The following NSUN2 variants were observed in gnomAD, a reference collection of about 807,000 sequenced individuals.
NSUN2 encodes the protein NOP2/Sun RNA methyltransferase 2.
NSUN2 carries 63 observed loss-of-function variants against 92.7 expected under a neutral mutation model. The observed-to-expected ratio is 0.68, with a 90% CI of 0.56 to 0.84. The LOEUF (loss-of-function observed/expected upper bound fraction) is 0.84, where lower values mean the gene tolerates loss of function less well. Among genes scored for constraint, NSUN2 ranks in the 40% least tolerant of loss-of-function variants. The pLI is 0.00. For synonymous variants in NSUN2, 356 were observed against 348.3 expected (o/e 1.02, Z -0.25); for missense variants, 989 against 964.9 (o/e 1.02, Z -0.33).
At chr5:6,612,957 C>A (rs1474927806) in intron 9 of NSUN2, among the ~76,000 whole-genome samples, 1 of 152,192 alleles carries the variant, frequency 6.6e-6, no homozygotes, top group Non-Finnish European at 1.5e-5. Context: ...CACCAGCAAC[C>A]ACCCACTCTA....
chr5:6,621,905 T>C, intron 6 of NSUN2, 111 bp downstream of exon 6: 1 of 855,180 alleles, frequency 1.2e-6, no homozygotes, highest in East Asian at 2.5e-5. Flanking sequence ...CCCAACTGCT[T>C]GTCATAGGAG....
rs771571224 is a variant in NSUN2 at position 6,607,362 on chromosome 5, G to A, written c.1346C>T (p.Thr449Ile). Reference sequence around the variant, plus strand: ...AGGGCTCAGCTGTGTGCTTTCTCTGGTCTCTGCAGATTTACCCTGAAGCTG... The same window carrying A: ...AGGGCTCAGCTGTGTGCTTTCTCTGATCTCTGCAGATTTACCCTGAAGCTG... ...QPKLQGKSAE[T>I]RESTQLSPAD... Residue 449 changes from threonine to isoleucine, a missense_variant, in exon 13 of 19, where the codon ACC (threonine) becomes ATC (isoleucine). Around this residue, in one of 3 missense-constraint regions of NSUN2, gnomAD observed 626 missense variants for 602.3 expected, o/e 1.04. Transcript: ENST00000264670. The A allele has an allele frequency of 5.0e-6, 8 of 1,613,882 alleles. No individual in the cohort carries two copies. Among genetic ancestry groups the A allele is most frequent in the Non-Finnish European group, 6.8e-6 (8 of 1,179,878 alleles).
At chr5:6,621,374 A>T (rs2126497991) in intron 6 of NSUN2, 1 of 152,282 alleles carries the variant, frequency 6.6e-6, no homozygotes, top group Admixed American at 6.5e-5. Flanking sequence ...AATAATAATG[A>T]ACAAAGGTGG....
At chr5:6,602,201 TA>T (rs1329754730) in intron 18 of NSUN2, among the ~76,000 whole-genome samples, 3 of 151,992 alleles carry the variant, frequency 2.0e-5, no homozygotes, top group African/African-American at 4.9e-5. Flanking sequence ...TTCTAATGCT[TA>T]AAAAATAAGT....
intron 9 of NSUN2, among the ~76,000 whole-genome samples, chr5:6,615,087 A>C (rs1737154124): frequency 6.6e-6 from 1 of 152,098 alleles, no homozygotes; most frequent in Non-Finnish European, 1.5e-5. Context: ...GTGACCACTC[A>C]CCCCAAGTCA....
At chr5:6,613,693 A>G (rs1737092188) in intron 9 of NSUN2, among the ~76,000 whole-genome samples, 1 of 152,166 alleles carries the variant, frequency 6.6e-6, no homozygotes. Flanking sequence ...CATCTGCTCT[A>G]TTGGTAATAA....
intron 4 of NSUN2, among the ~76,000 whole-genome samples, chr5:6,624,520 C>A (rs1737574008): frequency 6.6e-6 from 1 of 152,154 alleles, no homozygotes; most frequent in Admixed American, 6.5e-5. Flanking sequence ...CCCCACAAAC[C>A]CCACGCTCTC....
intron 4 of NSUN2, 34 bp from the exon 5 acceptor site, chr5:6,623,319 G>GAAAA (rs35232789): frequency 2.8e-4 from 353 of 1,245,158 alleles, no homozygotes; most frequent in Admixed American, 5.9e-4. Context: ...CAACAATTAG[G>GAAAA]AAAAAAAAAA....
chr5:6,614,772 T>C (rs894060965), intron 9 of NSUN2, among the ~76,000 whole-genome samples: 3 of 151,966 alleles, frequency 2.0e-5, no homozygotes, highest in Non-Finnish European at 4.4e-5. Context: ...AATTTTGCGG[T>C]AATGAGACAG....
intron 10 of NSUN2, among the ~76,000 whole-genome samples, chr5:6,611,485 G>T (rs933254982): frequency 9.5e-6 from 1 of 104,840 alleles, no homozygotes; most frequent in African/African-American, 3.5e-5. Flanking sequence ...CCCTTACAGG[G>T]ATGAGAGTAA....
intron 17 of NSUN2, 63 bp from the exon 18 acceptor site, chr5:6,602,563 C>G: frequency 7.4e-7 from 1 of 1,359,202 alleles, no homozygotes. Flanking sequence ...GCGCTGAGCA[C>G]ATTTCTGCAC....
Position 6,606,911 on chromosome 5 carries a change from G to T in NSUN2, c.1510C>A (p.Pro504Thr), listed in dbSNP as rs377501138. The T allele has an allele frequency of 1.3e-6, 2 of 1,536,316 alleles. No homozygotes were observed. The highest frequency in any genetic ancestry group is 4.5e-5 in the East Asian group (2 of 44,506). ...AACTTCATTTTCTTTGATGGAGGAG[G>T]ACTAAAAAGGGAATCAGGATGAGAC... ...NGSKKDGVCG[P>T]PPSKKMKLFG... The change falls in exon 14 of 19, where the codon CCT (proline) becomes ACT (threonine). Residue 504 changes from proline to threonine, a missense_variant and splice_region_variant. This residue lies in a region of NSUN2 where 626 missense variants were observed against 602.3 expected (regional missense o/e 1.04). Coordinates refer to ENST00000264670, the MANE Select transcript of NSUN2 (RefSeq NM_017755.6).
At chr5:6,618,245 A>G (rs751772578) in intron 7 of NSUN2, among the ~76,000 whole-genome samples, 15 of 152,230 alleles carry the variant, frequency 9.9e-5, no homozygotes, top group Non-Finnish European at 1.6e-4. Context: ...AGCAGAAAAT[A>G]ATGGATTTGA....
chr5:6,625,700 A>AATCCATAAATGTT, intron 3 of NSUN2, 31 bp from the exon 4 acceptor site: 4 of 1,488,846 alleles, frequency 2.7e-6, no homozygotes, highest in Non-Finnish European at 3.8e-6. Flanking sequence ...ACATTTATGG[A>AATCCATAAATGTT]TTATAAATAC....
At chr5:6,604,556 G>C (rs1736682658) in intron 16 of NSUN2, 49 bp downstream of exon 16, 2 of 1,530,582 alleles carry the variant, frequency 1.3e-6, no homozygotes, top group Non-Finnish European at 1.8e-6. Context: ...ACTCCCGACT[G>C]CTTCAGTCAT....
At chr5:6,609,333 C>G (rs1029145863) in intron 12 of NSUN2, among the ~76,000 whole-genome samples, 2 of 152,184 alleles carry the variant, frequency 1.3e-5, no homozygotes, top group African/African-American at 4.8e-5. Flanking sequence ...GGAAAGGAAC[C>G]AGCAGGCAGT....
In NSUN2 at chr5:6,629,368, C is replaced by T. The variant is rs148458028; in HGVS notation, c.359+2505G>A. On this transcript the variant is annotated intron_variant, in intron 3 of 18. Coordinates refer to ENST00000264670, the MANE Select transcript of NSUN2 (RefSeq NM_017755.6). ...CAGAGAATAATAAAAAACTAGCAAGCCTTATTGACATCGTATGGTTTCTCC... is the reference window on the plus strand; with the variant it reads ...CAGAGAATAATAAAAAACTAGCAAGTCTTATTGACATCGTATGGTTTCTCC... Among the ~76,000 whole-genome samples the T allele has an allele frequency of 2.6e-5, 4 of 152,266 alleles. No homozygotes were observed. The East Asian group carries it at 7.7e-4, about 29-fold the overall frequency.
chr5:6,625,943 C>T (rs1243128211), intron 3 of NSUN2, among the ~76,000 whole-genome samples: 12 of 151,892 alleles, frequency 7.9e-5, no homozygotes, highest in South Asian at 2.1e-4. Context: ...AATGATGAAA[C>T]GCTCGAGATC....
chr5:6,607,495 C>T lies in NSUN2; in HGVS notation c.1324-111G>A, dbSNP rs146647847. ...ATCCATCAGTTATATTTTTCTACAG[C>T]ATTATATGTAGAGAAAGACAACAGA... On this transcript the variant is annotated intron_variant, in intron 12 of 18. Transcript: ENST00000264670. 1.7e-4 allele frequency: 154 copies of T among 910,682 alleles called. 1 individual carries two copies. In the African/African-American group the frequency reaches 2.5e-3, roughly 15 times the overall value. The allele number at this position is 910,682 out of a possible 1,614,324, so 56.4% of individuals were successfully genotyped here. A position where few individuals can be genotyped will look rare whatever the true frequency, so the allele number is the denominator to read the frequency against.
Sources: allele counts gnomAD v4.1 joint callset (sites outside exome capture counted in the v4.1 genomes callset), GRCh38; gene constraint gnomAD v4.1.1; regional missense constraint gnomAD v4.1.1; transcripts MANE v1.5; gene names NCBI Gene and HGNC (gene_info 2026-07-23, HGNC 2026-07-21).